PCDHGB5: variants seen among roughly 807,000 people sequenced by gnomAD.
PCDHGB5 encodes the protein protocadherin gamma subfamily B, 5, also known as protocadherin gamma-B5.
A neutral mutation model predicts 62.9 loss-of-function variants in PCDHGB5; 48 were observed. The observed-to-expected ratio is 0.76, with a 90% CI of 0.61 to 0.97. PCDHGB5 has a LOEUF of 0.97. PCDHGB5 is among the 50% of genes least tolerant of loss of function. The pLI is 0.00. For missense variants in PCDHGB5, 1,118 were observed against 1,198.6 expected, an observed-to-expected ratio of 0.93 and a Z score of 0.99; for synonymous variants, 474 against 511.2, an observed-to-expected ratio of 0.93 and a Z score of 0.98.
chr5:141,486,168 A>C lies in PCDHGB5; in HGVS notation c.2398-8639A>C, dbSNP rs774913463. 6.2e-7 allele frequency: 1 copy of C among 1,614,196 alleles called. No homozygotes were observed. Among genetic ancestry groups the C allele is most frequent in the South Asian group, 1.1e-5 (1 of 91,084 alleles). On this transcript the variant is annotated intron_variant, in intron 1 of 3. Transcript: ENST00000617380. The surrounding 1 kb of genome is among the most constrained non-coding windows in gnomAD (Gnocchi z 5.0). ...GATGGGGGTTCTCCAGCCATGGAGC[A>C]ACATTGCAGCCTTCGAGTGGATCTG...
At chr5:141,422,929 C>A (rs752323344) in intron 1 of PCDHGB5, 8 of 1,614,260 alleles carry the variant, frequency 5.0e-6, no homozygotes, top group Middle Eastern at 3.3e-4. Flanking sequence ...GTACCCTGCC[C>A]TCCCCACAGA....
chr5:141,485,193 G>T lies in PCDHGB5; in HGVS notation c.2398-9614G>T. The T allele has an allele frequency of 6.2e-7, 1 of 1,613,988 alleles. No homozygotes were observed. Among genetic ancestry groups the T allele is most frequent in the Non-Finnish European group, 8.5e-7 (1 of 1,179,852 alleles). The stretch of plus-strand genomic sequence containing the variant: ...GCAGCAATGCTCCGCAAGGTGAGAA[G>T]CTGGACAGAAATCTGGCGGTGGGCT... On this transcript the variant is annotated intron_variant, in intron 1 of 3. Transcript: ENST00000617380. The surrounding 1 kb of genome is among the most constrained non-coding windows in gnomAD (Gnocchi z 5.7).
chr5:141,475,300 T>C (rs1383092136), intron 1 of PCDHGB5, among the ~76,000 whole-genome samples: 3 of 152,332 alleles, frequency 2.0e-5, no homozygotes, highest in South Asian at 2.1e-4. Context: ...AATTTCTTAT[T>C]GCTCCCTGGT....
At chr5:141,409,702 G>C (rs545411022) in intron 1 of PCDHGB5, 2 of 1,613,108 alleles carry the variant, frequency 1.2e-6, no homozygotes, top group African/African-American at 2.7e-5. Context: ...AGCCCCTGGC[G>C]GTGTCGTCAT....
chr5:141,474,430 C>T (rs2099349577), intron 1 of PCDHGB5, among the ~76,000 whole-genome samples: 1 of 152,212 alleles, frequency 6.6e-6, no homozygotes, highest in African/African-American at 2.4e-5. Flanking sequence ...TTGGTCCTCA[C>T]ACTTTGAGTA....
chr5:141,421,861 C>T, intron 1 of PCDHGB5: 2 of 1,613,738 alleles, frequency 1.2e-6, no homozygotes, highest in South Asian at 2.2e-5. Flanking sequence ...TCACCTGCTC[C>T]TCCTCACAGC....
rs1393235114 is a variant in PCDHGB5, at chr5:141,476,581, G to T, written c.2398-18226G>T. ...CCGTGGCTCCGGGGACGCGCTTTCC[G>T]CTCGAGAGCGCGCACGATCCCGATG... On this transcript the variant is annotated intron_variant, in intron 1 of 3. Transcript: ENST00000617380. This position sits in a 1 kb window ranked among gnomAD's most constrained non-coding sequence, Gnocchi z 7.6. 8.7e-6 allele frequency: 14 copies of T among 1,614,112 alleles called. No homozygotes were observed. The Admixed American group carries it at 2.2e-4, about 25-fold the overall frequency.
At chr5:141,427,912 A>G in intron 1 of PCDHGB5, 1 of 1,577,806 alleles carries the variant, frequency 6.3e-7, no homozygotes, top group East Asian at 2.2e-5. Flanking sequence ...CTCAGCGCCA[A>G]CATGAGCCGG....
chr5:141,423,674 C>G (rs57195665), intron 1 of PCDHGB5: 15 of 1,514,742 alleles, frequency 9.9e-6, no homozygotes, highest in African/African-American at 2.9e-5. Flanking sequence ...AGATTTATTT[C>G]TCTGCCTCCT....
intron 1 of PCDHGB5, chr5:141,492,070 GCCGGCT>G (rs1329848558): frequency 2.1e-6 from 1 of 477,826 alleles, no homozygotes; most frequent in Non-Finnish European, 3.7e-6. Context: ...CCTCCTAGGC[GCCGGCT>G]CCGGCACGCT....
intron 1 of PCDHGB5, chr5:141,424,783 T>C (rs1285808638): frequency 1.3e-5 from 2 of 152,212 alleles, no homozygotes; most frequent in African/African-American, 4.8e-5. Flanking sequence ...TACATTCAGT[T>C]CTTTTATTCA....
rs113065470 is a variant in PCDHGB5 at position 141,401,000 on chromosome 5, C to A, written c.2397+476C>A. 4.1e-3 allele frequency among the ~76,000 whole-genome samples: 629 copies of A among 152,216 alleles called. 6 individuals are homozygous for A. The highest frequency in any genetic ancestry group is 0.014 in the African/African-American group (590 of 41,530). On this transcript the variant is annotated intron_variant, in intron 1 of 3. Coordinates refer to ENST00000617380, the MANE Select transcript of PCDHGB5 (RefSeq NM_018925.3). ...TGTTCCTCATATATGCTTTCTTATT[C>A]CTACCTAATGGATTTATGATTTTTT...
At chr5:141,455,860 ATTATTTAT>A (rs145569377) in intron 1 of PCDHGB5, among the ~76,000 whole-genome samples, 26,605 of 139,696 alleles carry the variant, frequency 0.19, 2,610 homozygotes, top group Middle Eastern at 0.23. Context: ...AATTTCTTTT[ATTATTTAT>A]TTATTTATTT....
intron 1 of PCDHGB5, among the ~76,000 whole-genome samples, chr5:141,406,302 C>T (rs897412289): frequency 1.3e-4 from 20 of 152,020 alleles, no homozygotes; most frequent in African/African-American, 4.8e-4. Context: ...GAGGTGTGAA[C>T]CACCTCACCC....
intron 1 of PCDHGB5, among the ~76,000 whole-genome samples, chr5:141,449,630 T>C (rs1006977026): frequency 6.7e-6 from 1 of 150,024 alleles, no homozygotes; most frequent in South Asian, 2.1e-4. Flanking sequence ...TTTAAAAAGA[T>C]GTATCTATAT....
intron 1 of PCDHGB5, among the ~76,000 whole-genome samples, chr5:141,430,066 G>A (rs550834063): frequency 4.1e-4 from 62 of 152,102 alleles, no homozygotes; most frequent in Non-Finnish European, 8.4e-4. Flanking sequence ...TCATTTTTAG[G>A]TTTCCATAAT....
Position 141,490,629 on chromosome 5 carries a change from C to T in PCDHGB5, c.2398-4178C>T, listed in dbSNP as rs1174984711. 1.2e-6 allele frequency: 2 copies of T among 1,614,214 alleles called. No individual in the cohort carries two copies. Among genetic ancestry groups the T allele is most frequent in the East Asian group, 2.2e-5 (1 of 44,882 alleles). On this transcript the variant is annotated intron_variant, in intron 1 of 3. Coordinates refer to ENST00000617380, the MANE Select transcript of PCDHGB5 (RefSeq NM_018925.3). This position sits in a 1 kb window ranked among gnomAD's most constrained non-coding sequence, Gnocchi z 5.4. ...ACCAGCAGCTTTACACTGCTTACAT[C>T]CTAGAAAACCGGCCTCCGGGCTCCC...
rs754034325 is a variant in PCDHGB5 at position 141,413,380 on chromosome 5, C to T, written c.2397+12856C>T. On this transcript the variant is annotated intron_variant, in intron 1 of 3. Coordinates refer to ENST00000617380, the MANE Select transcript of PCDHGB5 (RefSeq NM_018925.3). ...CCGGGAGCTGGCGGAGCGCGGAGTC[C>T]GCATAGTCTCCAGAGGTAGGACGCA... is the stretch of plus-strand genomic sequence containing the variant. 4 of 1,613,962 alleles carry T rather than the reference C, an allele frequency of 2.5e-6. No individual in the cohort carries two copies. In the Middle Eastern group the frequency reaches 5.0e-4, roughly 200 times the overall value.
intron 1 of PCDHGB5, among the ~76,000 whole-genome samples, chr5:141,405,781 A>G (rs913529807): frequency 2.6e-5 from 4 of 151,674 alleles, no homozygotes; most frequent in African/African-American, 7.3e-5. Context: ...CCTGGCCCTT[A>G]ACTTTCTATT....
Sources: allele counts gnomAD v4.1 joint callset (sites outside exome capture counted in the v4.1 genomes callset), GRCh38; gene constraint gnomAD v4.1.1; non-coding constraint Gnocchi (gnomAD v3.1); transcripts MANE v1.5; gene names NCBI Gene and HGNC (gene_info 2026-07-23, HGNC 2026-07-21).